The following ANO3 variants were observed in gnomAD, a reference collection of about 807,000 sequenced individuals.
The protein encoded by ANO3 is anoctamin-3.
Under a neutral mutation model 144.8 loss-of-function variants are expected in ANO3, and 99 were observed. That is an observed-to-expected ratio of 0.68 (90% CI 0.58 to 0.81). The LOEUF (loss-of-function observed/expected upper bound fraction) is 0.81, where lower values mean the gene tolerates loss of function less well. Ranked by LOEUF, ANO3 falls within the 30% of genes least tolerant of loss-of-function variation. The probability of loss-of-function intolerance (pLI) is 0.00; values close to 1 mark genes in which losing one functional copy is unlikely to be tolerated. For synonymous variants in ANO3, 414 were observed against 392.6 expected, an observed-to-expected ratio of 1.05 and a Z score of -0.64; for missense variants, 905 against 1,202.2, an observed-to-expected ratio of 0.75 and a Z score of 3.66.
intron 8 of ANO3, among the ~76,000 whole-genome samples, chr11:26,533,572 A>C (rs1455131102): frequency 6.6e-6 from 1 of 152,180 alleles, no homozygotes; most frequent in Non-Finnish European, 1.5e-5. Context: ...CTGTTGGCAC[A>C]CTAAAAGTAA....
At chr11:26,565,932 T>TA in intron 14 of ANO3, 1 of 1,495,508 alleles carries the variant, frequency 6.7e-7, no homozygotes, top group Non-Finnish European at 8.9e-7. Flanking sequence ...ATTCCTTAAA[T>TA]AAAATACTCT....
chr11:26,335,068 G>T (rs1233339229), intron 1 of ANO3, among the ~76,000 whole-genome samples: 1 of 152,120 alleles, frequency 6.6e-6, no homozygotes, highest in African/African-American at 2.4e-5. Flanking sequence ...TGCCAGACTG[G>T]TTATCTGGGA....
At chr11:26,365,491 A>G (rs1231547181) in intron 1 of ANO3, among the ~76,000 whole-genome samples, 1 of 152,236 alleles carries the variant, frequency 6.6e-6, no homozygotes, top group Admixed American at 6.5e-5. Context: ...CCACCCCTGC[A>G]GCAGGCTTCT....
chr11:26,358,996 C>A (rs1855856315), intron 1 of ANO3, among the ~76,000 whole-genome samples: 1 of 152,120 alleles, frequency 6.6e-6, no homozygotes, highest in Non-Finnish European at 1.5e-5. Context: ...ACAGTTATAA[C>A]TATTTTAATG....
chr11:26,464,155 A>C (rs867813850), intron 4 of ANO3, among the ~76,000 whole-genome samples: 1 of 151,866 alleles, frequency 6.6e-6, no homozygotes, highest in Non-Finnish European at 1.5e-5. Context: ...TATTACTATC[A>C]TGAGACCAAA....
chr11:26,333,335 G>A (rs528267278), intron 1 of ANO3, among the ~76,000 whole-genome samples: 1 of 150,176 alleles, frequency 6.7e-6, no homozygotes, highest in Non-Finnish European at 1.5e-5. Context: ...AGGCTGGAGT[G>A]CAGTGGCGCG....
At chr11:26,370,905 G>T (rs1856235060) in intron 1 of ANO3, among the ~76,000 whole-genome samples, 1 of 152,152 alleles carries the variant, frequency 6.6e-6, no homozygotes, top group Admixed American at 6.6e-5. Context: ...GAGCATAAAA[G>T]TTTGGAAAAT....
chr11:26,490,798 C>T (rs1431004317), intron 4 of ANO3, among the ~76,000 whole-genome samples: 1 of 152,174 alleles, frequency 6.6e-6, no homozygotes, highest in Non-Finnish European at 1.5e-5. Flanking sequence ...GCAAGTGTTT[C>T]CTTCATGAAA....
chr11:26,260,915 C>T (rs1024898440), intron 1 of ANO3, among the ~76,000 whole-genome samples: 27 of 151,942 alleles, frequency 1.8e-4, no homozygotes, highest in African/African-American at 6.3e-4. Context: ...TTAAAATGAC[C>T]CAAGAGAAAC....
intron 1 of ANO3, among the ~76,000 whole-genome samples, chr11:26,252,188 T>C (rs538669253): frequency 9.8e-5 from 15 of 152,310 alleles, no homozygotes; most frequent in African/African-American, 2.4e-4. Context: ...CGTTATTTAA[T>C]ACAACTTTTT....
chr11:26,230,845 CTTTTTACAAAAAG>C (rs1372246479), intron 1 of ANO3, among the ~76,000 whole-genome samples: 2 of 91,432 alleles, frequency 2.2e-5, no homozygotes, highest in African/African-American at 8.7e-5. Flanking sequence ...AAAAGTTTAT[CTTTTTACAAAAAG>C]TTTTCTGGTT....
intron 1 of ANO3, among the ~76,000 whole-genome samples, chr11:26,189,730 GCA>G (rs1192200341): frequency 6.6e-6 from 1 of 152,002 alleles, no homozygotes; most frequent in African/African-American, 2.4e-5. Context: ...TCATTCGTAT[GCA>G]CAATTATATA....
intron 17 of ANO3, among the ~76,000 whole-genome samples, chr11:26,604,006 T>TA (rs1851869229): frequency 6.6e-6 from 1 of 152,180 alleles, no homozygotes; most frequent in Non-Finnish European, 1.5e-5. Context: ...ACCTAAGTGT[T>TA]ACACAATGTC....
At chr11:26,550,519 G>A (rs1849906263) in intron 12 of ANO3, among the ~76,000 whole-genome samples, 1 of 151,868 alleles carries the variant, frequency 6.6e-6, no homozygotes, top group Non-Finnish European at 1.5e-5. Context: ...GAATTATTCA[G>A]TATTGGTTAT....
rs115227974 is a variant in ANO3, at chr11:26,196,782, G to A, written c.154+7452G>A. On this transcript the variant is annotated intron_variant, in intron 1 of 27. Coordinates refer to the ANO3 transcript ENST00000672621. ...GTCACATAGATTTGAACTGAAATTG[G>A]CAATTTTATCACCAAAAAAGGTGAG... Among the ~76,000 whole-genome samples the A allele has an allele frequency of 6.2e-3, 936 of 152,184 alleles. 6 individuals are homozygous for A. The highest frequency in any genetic ancestry group is 0.022 in the African/African-American group (899 of 41,506).
At chr11:26,384,165 G>A (rs1196321847) in intron 1 of ANO3, among the ~76,000 whole-genome samples, 1 of 152,026 alleles carries the variant, frequency 6.6e-6, no homozygotes, top group African/African-American at 2.4e-5. Flanking sequence ...CTCCCAAAGT[G>A]CTGGGATTAC....
At chr11:26,584,775 C>T (rs2132870016) in intron 14 of ANO3, among the ~76,000 whole-genome samples, 1 of 152,306 alleles carries the variant, frequency 6.6e-6, no homozygotes, top group South Asian at 2.1e-4. Context: ...AAACCACCTG[C>T]AGCATCTAAC....
chr11:26,585,888 A>G (rs1286173914), intron 14 of ANO3, among the ~76,000 whole-genome samples: 1 of 152,152 alleles, frequency 6.6e-6, no homozygotes, highest in Non-Finnish European at 1.5e-5. Context: ...TCAGATTTTT[A>G]TTGACTGTTA....
chr11:26,354,391 A>G (rs767960361), intron 1 of ANO3, among the ~76,000 whole-genome samples: 1 of 152,240 alleles, frequency 6.6e-6, no homozygotes, highest in African/African-American at 2.4e-5. Context: ...ATGGCTTGAT[A>G]GTTTCACAGG....
Sources: allele counts gnomAD v4.1 joint callset (sites outside exome capture counted in the v4.1 genomes callset), GRCh38; gene constraint gnomAD v4.1.1; transcripts MANE v1.5; gene names NCBI Gene and HGNC (gene_info 2026-07-23, HGNC 2026-07-21).